Variants in ERC2 observed in about 807,000 individuals in gnomAD.
ERC2 encodes the protein ERC protein 2.
A neutral mutation model predicts 114.8 loss-of-function variants in ERC2; 42 were observed. That is an observed-to-expected ratio of 0.37 (90% CI 0.29 to 0.47). ERC2 has a LOEUF of 0.47. ERC2 is among the 20% of genes least tolerant of loss of function. The probability of loss-of-function intolerance (pLI) is 0.99; values close to 1 mark genes in which losing one functional copy is unlikely to be tolerated. For synonymous variants in ERC2, 454 were observed against 425.5 expected, an observed-to-expected ratio of 1.07 and a Z score of -0.82; for missense variants, 939 against 1,150.7, an observed-to-expected ratio of 0.82 and a Z score of 2.66.
intron 1 of ERC2, among the ~76,000 whole-genome samples, chr3:56,455,055 T>G (rs2063003292): frequency 6.6e-6 from 1 of 151,912 alleles, no homozygotes; most frequent in Non-Finnish European, 1.5e-5. Context: ...TGGGGGAATG[T>G]GGAGTTATTG....
rs139081238 is a variant in ERC2 at position 55,952,198 on chromosome 3, C to CTA, written c.2268-1640_2268-1639dup. Among the ~76,000 whole-genome samples the CTA allele has an allele frequency of 2.9e-3, 315 of 108,604 alleles. 28 individuals carry two copies. In the South Asian group the frequency reaches 0.034, roughly 12 times the overall value. 71.2% of individuals were successfully genotyped at this position (108,604 alleles called of 152,430 possible). The stretch of plus-strand genomic sequence containing the variant: ...ACACACACTCTCTCTCTCTCTCTCT[C>CTA]TATATATATATATATATATTCTGAA... On this transcript the variant is annotated intron_variant, in intron 12 of 17. Coordinates refer to ENST00000288221, the MANE Select transcript of ERC2 (RefSeq NM_015576.3).
intron 2 of ERC2, among the ~76,000 whole-genome samples, chr3:56,357,682 T>A (rs370573927): frequency 6.6e-6 from 1 of 151,250 alleles, no homozygotes; most frequent in South Asian, 2.1e-4. Flanking sequence ...GCAGAAATCA[T>A]ATTCAGCTAA....
chr3:55,672,866 C>T (rs2061621901), intron 17 of ERC2, among the ~76,000 whole-genome samples: 1 of 152,140 alleles, frequency 6.6e-6, no homozygotes, highest in Non-Finnish European at 1.5e-5. Flanking sequence ...GCGTAGGAGT[C>T]TCTTGCATGG....
At chr3:56,272,726 T>C (rs867594256) in intron 3 of ERC2, among the ~76,000 whole-genome samples, 2 of 152,254 alleles carry the variant, frequency 1.3e-5, no homozygotes, top group Middle Eastern at 6.8e-3. Flanking sequence ...GCAGAGACCA[T>C]GCCATTGCAC....
chr3:55,891,542 G>A (rs1385867884), intron 13 of ERC2, among the ~76,000 whole-genome samples: 1 of 150,136 alleles, frequency 6.7e-6, no homozygotes, highest in Admixed American at 6.7e-5. Flanking sequence ...TGCCTCCCGG[G>A]TTCAAGTGAT....
At chr3:55,719,166 CA>C (rs1187195950) in intron 15 of ERC2, among the ~76,000 whole-genome samples, 1 of 152,064 alleles carries the variant, frequency 6.6e-6, no homozygotes, top group East Asian at 1.9e-4. Context: ...ATTTATATTC[CA>C]ACTTCTAAGC....
rs1376220124 is a variant in ERC2 at position 56,343,192 on chromosome 3, T to TCTCACACACACACA, written c.658-46758_658-46757insTGTGTGTGTGTGAG. ...TTCTCTCTCTCTCTCTCTCTCTCTC[T>TCTCACACACACACA]CACACACACACACACACAAACACAC... is the stretch of plus-strand genomic sequence containing the variant. On this transcript the variant is annotated intron_variant, in intron 2 of 17. Coordinates refer to ENST00000288221, the MANE Select transcript of ERC2 (RefSeq NM_015576.3). 1.2e-3 allele frequency among the ~76,000 whole-genome samples: 147 copies of TCTCACACACACACA among 126,202 alleles called. 3 individuals carry two copies. The highest frequency in any genetic ancestry group is 1.7e-3 in the South Asian group (6 of 3,554). 82.8% of individuals were successfully genotyped at this position (126,202 alleles called of 152,430 possible). A position where few individuals can be genotyped will look rare whatever the true frequency, so the allele number is the denominator to read the frequency against.
At chr3:56,044,951 G>A (rs1213445723) in intron 7 of ERC2, among the ~76,000 whole-genome samples, 9 of 152,126 alleles carry the variant, frequency 5.9e-5, no homozygotes, top group African/African-American at 2.2e-4. Flanking sequence ...CATGCTAAAT[G>A]TTCTGTCCCC....
intron 3 of ERC2, among the ~76,000 whole-genome samples, chr3:56,287,062 C>T (rs1481384681): frequency 6.6e-6 from 1 of 152,204 alleles, no homozygotes; most frequent in East Asian, 1.9e-4. Flanking sequence ...ACCCCTCAAC[C>T]TACATGCCTA....
At chr3:55,872,316 C>T (rs1167893682) in intron 14 of ERC2, among the ~76,000 whole-genome samples, 2 of 152,088 alleles carry the variant, frequency 1.3e-5, no homozygotes, top group Non-Finnish European at 2.9e-5. Context: ...TGTTTCTCTC[C>T]ACATATCCGC....
chr3:55,882,668 A>G (rs759403571), intron 14 of ERC2, among the ~76,000 whole-genome samples: 8 of 152,250 alleles, frequency 5.3e-5, no homozygotes, highest in Non-Finnish European at 8.8e-5. Context: ...GATTTAAAGC[A>G]TACAGGAGGA....
chr3:56,408,486 A>C (rs2060812736), intron 2 of ERC2, among the ~76,000 whole-genome samples: 1 of 151,578 alleles, frequency 6.6e-6, no homozygotes, highest in Non-Finnish European at 1.5e-5. Context: ...ACACACACAC[A>C]CCCCATATAC....
At chr3:56,194,596 G>C (rs1297963259) in intron 3 of ERC2, among the ~76,000 whole-genome samples, 1 of 152,156 alleles carries the variant, frequency 6.6e-6, no homozygotes, top group Non-Finnish European at 1.5e-5. Context: ...GAAGGCCGAG[G>C]ACATTATTGT....
intron 6 of ERC2, among the ~76,000 whole-genome samples, chr3:56,112,409 C>A (rs1408127708): frequency 6.9e-6 from 1 of 145,156 alleles, no homozygotes. Flanking sequence ...GAATAACAAA[C>A]CTTGAGTGAG....
intron 17 of ERC2, among the ~76,000 whole-genome samples, chr3:55,599,942 A>G (rs1430732264): frequency 6.6e-6 from 1 of 152,198 alleles, no homozygotes; most frequent in African/African-American, 2.4e-5. Context: ...GTTTCCTATC[A>G]GTGAAAAAGC....
intron 2 of ERC2, among the ~76,000 whole-genome samples, chr3:56,335,697 C>A (rs1304299276): frequency 1.3e-5 from 2 of 151,926 alleles, no homozygotes; most frequent in Non-Finnish European, 2.9e-5. Context: ...AGCATCAGAC[C>A]AAAAAAGCCA....
At chr3:56,114,763 T>C in intron 6 of ERC2, among the ~76,000 whole-genome samples, 1 of 152,224 alleles carries the variant, frequency 6.6e-6, no homozygotes, top group Non-Finnish European at 1.5e-5. Context: ...CCATCTTGCC[T>C]TTAACCTCCA....
intron 2 of ERC2, among the ~76,000 whole-genome samples, chr3:56,406,488 G>A (rs2107039260): frequency 6.6e-6 from 1 of 152,318 alleles, no homozygotes; most frequent in Middle Eastern, 3.4e-3. Flanking sequence ...TCATTAGGCT[G>A]GCTTCATGGG....
At chr3:55,713,771 G>A (rs2063921971) in intron 15 of ERC2, among the ~76,000 whole-genome samples, 1 of 152,132 alleles carries the variant, frequency 6.6e-6, no homozygotes. Flanking sequence ...TAATCAACCT[G>A]CCTATTATAA....
Sources: gnomAD v4.1 joint callset for allele counts (sites outside exome capture counted in the v4.1 genomes callset) on GRCh38, gnomAD v4.1.1 for gene constraint, MANE v1.5 for transcripts, NCBI Gene and HGNC (gene_info 2026-07-23, HGNC 2026-07-21) for gene names.